PCDHGB1: variants seen among roughly 807,000 people sequenced by gnomAD.
PCDHGB1 encodes the protein protocadherin gamma subfamily B, 1, also known as protocadherin gamma-B1.
PCDHGB1 carries 34 observed loss-of-function variants against 56.6 expected under a neutral mutation model. That is an observed-to-expected ratio of 0.60 (90% CI 0.46 to 0.80). The LOEUF (loss-of-function observed/expected upper bound fraction) is 0.80, where lower values mean the gene tolerates loss of function less well. Among genes scored for constraint, PCDHGB1 ranks in the 30% least tolerant of loss-of-function variants. The pLI is 0.00. For synonymous variants in PCDHGB1, 561 were observed against 505.9 expected (o/e 1.11, Z -1.46); for missense variants, 1,278 against 1,204.6 (o/e 1.06, Z -0.90).
At chr5:141,375,056 CCAGGT>C in intron 1 of PCDHGB1, 2 of 1,613,966 alleles carry the variant, frequency 1.2e-6, no homozygotes, top group Non-Finnish European at 1.7e-6. Flanking sequence ...CCGGGATGGG[CCAGGT>C]CTTCGAGACA....
rs1254680765 is a variant in PCDHGB1 at position 141,491,399 on chromosome 5, A to G, written c.2410-3408A>G. ...CTGTCAGCGAAGTGCCTTCAGGGAA[A>G]CGCAGACGGGGACGGGGGTGGAGGG... On this transcript the variant is annotated intron_variant, in intron 1 of 3. Transcript: ENST00000523390. This position sits in a 1 kb window ranked among gnomAD's most constrained non-coding sequence, Gnocchi z 6.9. 3 of 1,613,998 alleles carry G rather than the reference A, an allele frequency of 1.9e-6. No homozygotes were observed. Among genetic ancestry groups the G allele is most frequent in the Non-Finnish European group, 2.5e-6 (3 of 1,180,028 alleles).
intron 1 of PCDHGB1, chr5:141,420,307 A>G (rs2096487660): frequency 1.5e-5 from 22 of 1,459,622 alleles, no homozygotes; most frequent in Non-Finnish European, 1.8e-5. Flanking sequence ...AATCCTTTTT[A>G]TATTACAATA....
chr5:141,474,486 C>G (rs531956129), intron 1 of PCDHGB1, among the ~76,000 whole-genome samples: 11 of 152,326 alleles, frequency 7.2e-5, no homozygotes, highest in African/African-American at 2.4e-4. Context: ...TAAATGTATT[C>G]TATCTTCTAA....
intron 1 of PCDHGB1, chr5:141,372,171 G>A (rs573101178): frequency 2.5e-6 from 4 of 1,613,744 alleles, no homozygotes; most frequent in East Asian, 4.5e-5. Flanking sequence ...CAAGGTGGTG[G>A]CGGTGGACGC....
Position 141,491,300 on chromosome 5 carries a change from G to T in PCDHGB1, c.2410-3507G>T. On this transcript the variant is annotated intron_variant, in intron 1 of 3. Coordinates refer to ENST00000523390, the MANE Select transcript of PCDHGB1 (RefSeq NM_018922.3). The surrounding 1 kb of genome is among the most constrained non-coding windows in gnomAD (Gnocchi z 6.9). Reference sequence around the variant, plus strand: ...GACTTCCTCATACACCCTCCTGAGCGTTCAGACCTTACCCTTTACCTCATT... The same window carrying T: ...GACTTCCTCATACACCCTCCTGAGCTTTCAGACCTTACCCTTTACCTCATT... The T allele has an allele frequency of 6.2e-7, 1 of 1,614,136 alleles. No homozygotes were observed. The highest frequency in any genetic ancestry group is 8.5e-7 in the Non-Finnish European group (1 of 1,179,962).
At chr5:141,364,990 G>T in intron 1 of PCDHGB1, 1 of 1,613,862 alleles carries the variant, frequency 6.2e-7, no homozygotes, top group South Asian at 1.1e-5. Flanking sequence ...GCGGAGACCC[G>T]GTACTCTCCG....
At chr5:141,378,382 G>C (rs1774857490) in intron 1 of PCDHGB1, 1 of 152,274 alleles carries the variant, frequency 6.6e-6, no homozygotes, top group South Asian at 2.1e-4. Context: ...AATTAGCCAG[G>C]TGGGGTGGCA....
At chr5:141,504,961 G>A (rs995382728) in intron 2 of PCDHGB1, among the ~76,000 whole-genome samples, 2 of 151,928 alleles carry the variant, frequency 1.3e-5, no homozygotes, top group Non-Finnish European at 2.9e-5. Flanking sequence ...TCAATGCATT[G>A]GACCAGCCTG....
intron 1 of PCDHGB1, chr5:141,408,837 T>A: frequency 6.2e-7 from 1 of 1,613,716 alleles, no homozygotes; most frequent in Non-Finnish European, 8.5e-7. Flanking sequence ...AGCTTGATAT[T>A]GACTGCCTTG....
rs2099694919 is a variant in PCDHGB1, at chr5:141,490,016, C to T, written c.2410-4791C>T. The T allele has an allele frequency of 6.2e-7, 1 of 1,614,158 alleles. No individual in the cohort carries two copies. The highest frequency in any genetic ancestry group is 8.5e-7 in the Non-Finnish European group (1 of 1,180,060). On this transcript the variant is annotated intron_variant, in intron 1 of 3. Transcript: ENST00000523390. This position sits in a 1 kb window ranked among gnomAD's most constrained non-coding sequence, Gnocchi z 5.4. ...ATCCCAGAGAATGCACCCATTGGTACTCTGCTGCTCCGCCTCAATGCCACT... is the reference window on the plus strand; with the variant it reads ...ATCCCAGAGAATGCACCCATTGGTATTCTGCTGCTCCGCCTCAATGCCACT...
intron 1 of PCDHGB1, chr5:141,427,503 A>C (rs1317684577): frequency 6.9e-6 from 4 of 578,118 alleles, no homozygotes; most frequent in Non-Finnish European, 9.8e-6. Flanking sequence ...AACAGATGGG[A>C]CCCTGGATTG....
At chr5:141,422,348 A>G (rs1163115969) in intron 1 of PCDHGB1, 1 of 1,554,608 alleles carries the variant, frequency 6.4e-7, no homozygotes, top group Non-Finnish European at 8.7e-7. Context: ...AATGTGCAAG[A>G]TCAAGATTCT....
chr5:141,495,103 C>T (rs1383918796), intron 2 of PCDHGB1, among the ~76,000 whole-genome samples: 2 of 152,132 alleles, frequency 1.3e-5, no homozygotes, highest in Non-Finnish European at 2.9e-5. Context: ...TCGCCACGAC[C>T]GGCACCTTTT....
chr5:141,398,568 G>C, intron 1 of PCDHGB1: 1 of 1,614,014 alleles, frequency 6.2e-7, no homozygotes, highest in African/African-American at 1.3e-5. Context: ...AGTCTGCACA[G>C]CCTGGCACAA....
At chr5:141,482,572 T>C (rs1367788391) in intron 1 of PCDHGB1, among the ~76,000 whole-genome samples, 1 of 137,636 alleles carries the variant, frequency 7.3e-6, no homozygotes, top group Admixed American at 7.3e-5. Context: ...CTGCATAGCA[T>C]AAGATGCAGT....
intron 1 of PCDHGB1, chr5:141,411,968 T>C (rs1257112227): frequency 6.6e-6 from 1 of 152,260 alleles, no homozygotes; most frequent in Non-Finnish European, 1.5e-5. Flanking sequence ...GATAAAATCT[T>C]TGAAGAGTTC....
At chr5:141,478,838 T>C (rs1439577444) in intron 1 of PCDHGB1, 1 of 1,426,484 alleles carries the variant, frequency 7.0e-7, no homozygotes, top group Non-Finnish European at 9.2e-7. Flanking sequence ...TAAGGGATGG[T>C]TAAGCTAAAA....
In PCDHGB1 at chr5:141,511,460, A is replaced by ACCC. The variant is rs1367357803; in HGVS notation, c.*289_*291dup. The ACCC allele has an allele frequency of 2.4e-4, 137 of 564,806 alleles. 1 individual carries two copies. In the Middle Eastern group the frequency reaches 2.7e-3, roughly 11 times the overall value. The allele number at this position is 564,806 out of a possible 1,614,324, so 35.0% of individuals were successfully genotyped here. A position where few individuals can be genotyped will look rare whatever the true frequency, so the allele number is the denominator to read the frequency against. ...GTAGACACCAAGAACCATTTGCCAC[A>ACCC]CCCCGTTTAGTTACAGCTGAACTCC... On this transcript the variant is annotated 3_prime_UTR_variant, in exon 4 of 4. Transcript: ENST00000523390.
At chr5:141,375,420 A>G (rs777736413) in intron 1 of PCDHGB1, 6 of 1,614,002 alleles carry the variant, frequency 3.7e-6, no homozygotes, top group Admixed American at 3.3e-5. Flanking sequence ...GCAGACACCA[A>G]CGACAACCCG....
Sources: gnomAD v4.1 joint callset for allele counts (sites outside exome capture counted in the v4.1 genomes callset) on GRCh38, gnomAD v4.1.1 for gene constraint, Gnocchi (gnomAD v3.1) non-coding constraint, MANE v1.5 for transcripts, NCBI Gene and HGNC (gene_info 2026-07-23, HGNC 2026-07-21) for gene names.